Variants in CLEC9A observed in about 807,000 individuals in gnomAD.
The protein encoded by CLEC9A is C-type lectin domain family 9 member A.
Under a neutral mutation model 30.0 loss-of-function variants are expected in CLEC9A, and 24 were observed. The observed-to-expected ratio is 0.80, with a 90% CI of 0.58 to 1.13. CLEC9A has a LOEUF of 1.13. Among genes scored for constraint, CLEC9A ranks in the 50% most tolerant of loss-of-function variants. CLEC9A has a pLI of 0.00. For synonymous variants in CLEC9A, 111 were observed against 96.8 expected, an observed-to-expected ratio of 1.15 and a Z score of -0.86; for missense variants, 251 against 280.9, an observed-to-expected ratio of 0.89 and a Z score of 0.76.
At chr12:10,056,146 T>C (rs1409659572) in intron 5 of CLEC9A, among the ~76,000 whole-genome samples, 2 of 151,312 alleles carry the variant, frequency 1.3e-5, no homozygotes, top group Non-Finnish European at 2.9e-5. Context: ...CCTAAGTGTC[T>C]TCTCCATCTA....
intron 1 of CLEC9A, among the ~76,000 whole-genome samples, chr12:10,036,785 T>A (rs1865747335): frequency 6.6e-6 from 1 of 152,238 alleles, no homozygotes; most frequent in African/African-American, 2.4e-5. Flanking sequence ...TAGATGCTAC[T>A]AGGTACTACT....
At chr12:10,048,642 T>C (rs1193552742) in intron 2 of CLEC9A, among the ~76,000 whole-genome samples, 1 of 152,222 alleles carries the variant, frequency 6.6e-6, no homozygotes, top group Non-Finnish European at 1.5e-5. Context: ...TGCTCATCCA[T>C]AGGAAGCAGC....
chr12:10,063,035 T>G lies in CLEC9A; in HGVS notation c.320-20T>G, dbSNP rs370303850. 2.0e-5 allele frequency: 31 copies of G among 1,573,370 alleles called. No individual in the cohort carries two copies. The African/African-American group carries it at 3.5e-4, about 18-fold the overall frequency. On this transcript the variant is annotated intron_variant, in intron 6 of 8. Coordinates refer to ENST00000355819, the MANE Select transcript of CLEC9A (RefSeq NM_207345.4). ...AATATTTTACAATAAGATACTAAAG[T>G]AAAATGTTTATATTCAAAGCCCATA...
chr12:10,064,736 T>G lies in CLEC9A; in HGVS notation c.476T>G (p.Phe159Cys). ...AGTTCAATTTTTGTCTCATAGGATTTTATCACTGGCAGCTTGAGGAAGATT... is the reference window on the plus strand; with the variant it reads ...AGTTCAATTTTTGTCTCATAGGATTGTATCACTGGCAGCTTGAGGAAGATT... ...LQIESKEEMD[F>C]ITGSLRKIKG... Residue 159 changes from phenylalanine to cysteine, a missense_variant, in exon 8 of 9, where the codon TTT becomes TGT. By Grantham distance (205) the Phe-to-Cys change is radical (BLOSUM62 -2). Transcript: ENST00000355819. 6.2e-7 allele frequency: 1 copy of G among 1,611,464 alleles called. No homozygotes were observed.
Position 10,030,906 on chromosome 12 carries a change from A to G in CLEC9A, c.-384A>G, listed in dbSNP as rs1865689802. 1 of 152,206 alleles carries G rather than the reference A, an allele frequency of 6.6e-6. No homozygotes were observed. The allele number at this position is 152,206 out of a possible 1,614,324, so 9.4% of individuals were successfully genotyped here. On this transcript the variant is annotated 5_prime_UTR_variant, in exon 1 of 9. The change abolishes an upstream ATG in the 5' untranslated region. Transcript: ENST00000355819. ...AAGATCTGGGTATTTGATCCACACA[A>G]TGGTAAAGATTCCCATGTTAGCCAA... is the stretch of plus-strand genomic sequence containing the variant.
chr12:10,047,832 AC>A (rs1843935932), intron 2 of CLEC9A, among the ~76,000 whole-genome samples: 1 of 152,210 alleles, frequency 6.6e-6, no homozygotes, highest in Admixed American at 6.5e-5. Context: ...ATGAGTGGAA[AC>A]CTTTTAGCTG....
At chr12:10,046,280 C>T (rs890416505) in intron 2 of CLEC9A, among the ~76,000 whole-genome samples, 1 of 152,158 alleles carries the variant, frequency 6.6e-6, no homozygotes, top group African/African-American at 2.4e-5. Context: ...GTATTACCAT[C>T]GCCAACCCCA....
In CLEC9A at chr12:10,065,583, C is replaced by T. The variant is rs754379977; in HGVS notation, c.677C>T (p.Thr226Met). 5 of 1,613,714 alleles carry T rather than the reference C, an allele frequency of 3.1e-6. No individual in the cohort carries two copies. The highest frequency in any genetic ancestry group is 1.1e-5 in the South Asian group (1 of 91,084). ...TCCCTTCTTTCGTCTAACTGCAGCA[C>T]GTGGAAGTATTTTATCTGTGAGAAG... ...SNSLLSSNCSTWKYFICEKYA... is the reference protein window; with the variant it reads ...SNSLLSSNCSMWKYFICEKYA... The change falls in exon 9 of 9, where the codon ACG becomes ATG. Residue 226 changes from threonine (T) to methionine (M), a missense_variant. Thr to Met is a moderately conservative substitution (Grantham distance 81). Transcript: ENST00000355819.
chr12:10,044,869 G>GTC (rs1243232036), intron 2 of CLEC9A, among the ~76,000 whole-genome samples: 1 of 152,090 alleles, frequency 6.6e-6, no homozygotes, highest in Non-Finnish European at 1.5e-5. Context: ...GAACAACTTT[G>GTC]TCACATAGTT....
intron 2 of CLEC9A, among the ~76,000 whole-genome samples, chr12:10,051,326 C>A (rs971183819): frequency 6.6e-6 from 1 of 152,106 alleles, no homozygotes; most frequent in African/African-American, 2.4e-5. Flanking sequence ...CTCAAATGAA[C>A]GCATTATCAG....
chr12:10,065,417 C>T (rs1295025096), intron 8 of CLEC9A, 83 bp from the exon 9 acceptor site: 4 of 1,522,476 alleles, frequency 2.6e-6, no homozygotes, highest in Non-Finnish European at 3.6e-6. Context: ...AAACAAGCAG[C>T]TACACACCTC....
intron 6 of CLEC9A, 54 bp downstream of exon 6, chr12:10,061,327 C>A: frequency 6.8e-7 from 1 of 1,477,020 alleles, no homozygotes; most frequent in Non-Finnish European, 9.1e-7. Flanking sequence ...TACACCAATA[C>A]CTCAAAAGAA....
intron 8 of CLEC9A, 52 bp downstream of exon 8, chr12:10,064,905 C>T (rs774691599): frequency 1.3e-6 from 2 of 1,583,928 alleles, no homozygotes; most frequent in Non-Finnish European, 1.7e-6. Context: ...TGAGGGAATT[C>T]AAAAGTTTAT....
At chr12:10,033,288 A>G (rs1387515657) in intron 1 of CLEC9A, among the ~76,000 whole-genome samples, 1 of 150,794 alleles carries the variant, frequency 6.6e-6, no homozygotes, top group Non-Finnish European at 1.5e-5. Flanking sequence ...TTTTTTTTTT[A>G]ATTTATCCTG....
At chr12:10,050,897 G>A (rs1431196674) in intron 2 of CLEC9A, among the ~76,000 whole-genome samples, 1 of 152,098 alleles carries the variant, frequency 6.6e-6, no homozygotes, top group Non-Finnish European at 1.5e-5. Context: ...GGTCACATGA[G>A]CATCATATAA....
intron 2 of CLEC9A, among the ~76,000 whole-genome samples, chr12:10,049,230 G>A (rs1292671489): frequency 6.6e-6 from 1 of 152,062 alleles, no homozygotes; most frequent in Non-Finnish European, 1.5e-5. Context: ...CAAATGTGCT[G>A]TCATCCAGAC....
At position 10,063,175 on chromosome 12, in the gene CLEC9A, C is replaced by T. The variant is rs149852205; in HGVS notation, c.440C>T (p.Thr147Met). The part of the protein sequence containing the change: ...SQENCLKEGS[T>M]LLQIESKEEM... ...GAGAATTGTTTAAAGGAAGGTTCCA[C>T]GCTGCTACAAATAGAGAGCAAAGAA... is the stretch of plus-strand genomic sequence containing the variant. The change falls in exon 7 of 9, where the codon ACG (threonine) becomes ATG (methionine). Residue 147 changes from threonine (T) to methionine (M), a missense_variant. Thr to Met is a moderately conservative substitution (Grantham distance 81). Transcript: ENST00000355819. The T allele has an allele frequency of 8.9e-5, 143 of 1,609,720 alleles. No homozygotes were observed. Among genetic ancestry groups the T allele is most frequent in the Non-Finnish European group, 1.1e-4 (129 of 1,178,558 alleles).
chr12:10,062,000 G>C (rs984528104), intron 6 of CLEC9A, among the ~76,000 whole-genome samples: 1 of 152,150 alleles, frequency 6.6e-6, no homozygotes, highest in South Asian at 2.1e-4. Context: ...AAGGATCACT[G>C]TGTGCCCAAC....
intron 5 of CLEC9A, 92 bp from the exon 6 acceptor site, chr12:10,061,035 T>A (rs1406774088): frequency 7.2e-7 from 1 of 1,383,408 alleles, no homozygotes; most frequent in Admixed American, 3.0e-5. Flanking sequence ...TCAAAAATAA[T>A]AGTAATTTGT....
Sources: gnomAD v4.1 joint callset for allele counts (sites outside exome capture counted in the v4.1 genomes callset) on GRCh38, gnomAD v4.1.1 for gene constraint, MANE v1.5 for transcripts, NCBI Gene and HGNC (gene_info 2026-07-23, HGNC 2026-07-21) for gene names.